Variants in CCDC82 observed in about 807,000 individuals in gnomAD.
The protein encoded by CCDC82 is coiled-coil domain-containing protein 82.
Under a neutral mutation model 60.6 loss-of-function variants are expected in CCDC82, and 47 were observed. That is an observed-to-expected ratio of 0.77 (90% CI 0.61 to 0.99). The LOEUF is 0.99. Ranked by LOEUF, CCDC82 falls within the 50% of genes least tolerant of loss-of-function variation. The pLI is 0.00. For synonymous variants in CCDC82, 212 were observed against 207.4 expected (o/e 1.02, Z -0.19); for missense variants, 588 against 633.0 (o/e 0.93, Z 0.76).
At chr11:96,363,736 T>G (rs573745277) in intron 8 of CCDC82, 1 of 152,310 alleles carries the variant, frequency 6.6e-6, no homozygotes, top group Non-Finnish European at 1.5e-5. Context: ...TTCCATGAAC[T>G]TACTAGTTTC....
Position 96,377,720 on chromosome 11 carries a change from A to G in CCDC82, c.992-4253T>C, listed in dbSNP as rs139016986. On this transcript the variant is annotated intron_variant, in intron 5 of 9. Coordinates refer to ENST00000646818, the MANE Select transcript of CCDC82 (RefSeq NM_024725.4). ...AATATATTAATGACTTCTAATATTAAGCCATTTTTATAGTTCTAAAAAGAA... is the reference window on the plus strand; with the variant it reads ...AATATATTAATGACTTCTAATATTAGGCCATTTTTATAGTTCTAAAAAGAA... Among the ~76,000 whole-genome samples, 55 of 152,164 alleles carry G rather than the reference A, an allele frequency of 3.6e-4. 2 individuals carry two copies. In the East Asian group the frequency reaches 0.01, roughly 29 times the overall value.
At chr11:96,371,339 T>G (rs1865256292) in intron 6 of CCDC82, among the ~76,000 whole-genome samples, 1 of 152,054 alleles carries the variant, frequency 6.6e-6, no homozygotes, top group Non-Finnish European at 1.5e-5. Context: ...TCCCAGCACT[T>G]TGGGAGGCCG....
chr11:96,374,587 AATGAATATAAT>A (rs1865467927), intron 5 of CCDC82, among the ~76,000 whole-genome samples: 1 of 152,228 alleles, frequency 6.6e-6, no homozygotes, highest in African/African-American at 2.4e-5. Context: ...CATGGCCTTT[AATGAATATAAT>A]ATTTTCTTAA....
rs1248382945 is a variant in CCDC82, at chr11:96,384,250, T to G, written c.498A>C (p.Gln166His). ...CTTCTTCTAAATCATCCTCTATTATTTGTCCAGTTTGTTTGTTGAGATCAT... is the reference window on the plus strand; with the variant it reads ...CTTCTTCTAAATCATCCTCTATTATGTGTCCAGTTTGTTTGTTGAGATCAT... ...EDNDLNKQTGQIIEDDLEEED... is the reference protein window; with the variant it reads ...EDNDLNKQTGHIIEDDLEEED... The change falls in exon 4 of 10, where the codon CAA becomes CAC. Residue 166 changes from glutamine to histidine, a missense_variant. Transcript: ENST00000646818. 1 of 1,613,888 alleles carries G rather than the reference T, an allele frequency of 6.2e-7. No individual in the cohort carries two copies. Among genetic ancestry groups the G allele is most frequent in the East Asian group, 2.2e-5 (1 of 44,872 alleles).
In CCDC82 at chr11:96,353,325, T is replaced by G; in HGVS notation, c.*321A>C. 4.8e-6 allele frequency: 1 copy of G among 206,252 alleles called. No homozygotes were observed. Among genetic ancestry groups the G allele is most frequent in the Admixed American group, 5.8e-5 (1 of 17,142 alleles). The allele number at this position is 206,252 out of a possible 1,614,324, so 12.8% of individuals were successfully genotyped here. A position where few individuals can be genotyped will look rare whatever the true frequency, so the allele number is the denominator to read the frequency against. On this transcript the variant is annotated 3_prime_UTR_variant, in exon 10 of 10. Transcript: ENST00000646818. ...CGTTAGTCTAAATACATTTTTAAGA[T>G]ACAATATATTTTGACTAAACTGACA...
chr11:96,372,269 T>A (rs1865313185), intron 6 of CCDC82, among the ~76,000 whole-genome samples: 1 of 152,208 alleles, frequency 6.6e-6, no homozygotes, highest in Non-Finnish European at 1.5e-5. Flanking sequence ...CTTTTTTGAC[T>A]AATCTAACTA....
chr11:96,358,479 C>T (rs1864459669), intron 9 of CCDC82: 3 of 1,230,880 alleles, frequency 2.4e-6, no homozygotes, highest in Non-Finnish European at 3.0e-6. Flanking sequence ...CTCTGCATTC[C>T]CCTCGATCTT....
intron 9 of CCDC82, chr11:96,357,380 C>T (rs1209355578): frequency 7.1e-6 from 7 of 985,002 alleles, no homozygotes; most frequent in African/African-American, 1.7e-5. Flanking sequence ...ACCTTCAATG[C>T]CTAATGCTAA....
chr11:96,366,583 A>G (rs963813085), intron 7 of CCDC82, among the ~76,000 whole-genome samples: 8 of 152,156 alleles, frequency 5.3e-5, no homozygotes, highest in Non-Finnish European at 7.4e-5. Flanking sequence ...CTCATCTCTA[A>G]AAGAGGGGAA....
At chr11:96,382,499 T>C (rs1865930289) in intron 5 of CCDC82, 1 of 151,768 alleles carries the variant, frequency 6.6e-6, no homozygotes, top group Non-Finnish European at 1.5e-5. Context: ...GGAGGATCTG[T>C]ATCATCCAGT....
rs376528293 is a variant in CCDC82, at chr11:96,371,153, A to T, written c.1085-16T>A. The stretch of plus-strand genomic sequence containing the variant: ...CTTGTGCCATCTGTTCAGGGGATAA[A>T]CAACAAAAAAAATCATTTTGTTAAT... On this transcript the variant is annotated splice_polypyrimidine_tract_variant and intron_variant, in intron 6 of 9. Coordinates refer to ENST00000646818, the MANE Select transcript of CCDC82 (RefSeq NM_024725.4). 2.0e-5 allele frequency: 29 copies of T among 1,484,658 alleles called. No individual in the cohort carries two copies. Among genetic ancestry groups the T allele is most frequent in the Non-Finnish European group, 2.6e-5 (29 of 1,114,600 alleles). 92.0% of individuals were successfully genotyped at this position (1,484,658 alleles called of 1,614,324 possible).
chr11:96,387,714 G>A (rs965631978), intron 1 of CCDC82, 101 bp from the exon 2 acceptor site: 2 of 152,076 alleles, frequency 1.3e-5, no homozygotes, highest in African/African-American at 2.4e-5. Flanking sequence ...GAAAAATAAC[G>A]ATTAAAATGG....
chr11:96,356,547 T>C (rs11021551), intron 9 of CCDC82: 194,663 of 984,376 alleles, frequency 0.2, 19,340 homozygotes, highest in East Asian at 0.31. Context: ...CATCATCATA[T>C]ACACTTTCTT....
At chr11:96,382,628 T>C (rs1284793503) in intron 5 of CCDC82, 5 of 151,902 alleles carry the variant, frequency 3.3e-5, no homozygotes, top group Non-Finnish European at 5.9e-5. Flanking sequence ...AGTTCATTTA[T>C]ATGGTTTTGA....
intron 6 of CCDC82, among the ~76,000 whole-genome samples, chr11:96,373,151 G>T (rs899451369): frequency 3.3e-5 from 5 of 152,126 alleles, no homozygotes; most frequent in Non-Finnish European, 7.4e-5. Flanking sequence ...TAAGGGAAAG[G>T]ACCTGTCACA....
chr11:96,365,232 AGG>A (rs1864886124), intron 7 of CCDC82, 82 bp from the exon 8 acceptor site: 3 of 910,882 alleles, frequency 3.3e-6, no homozygotes, highest in Non-Finnish European at 4.8e-6. Flanking sequence ...AAAACATCTT[AGG>A]GATTACAATA....
intron 8 of CCDC82, among the ~76,000 whole-genome samples, chr11:96,359,642 T>TAAAAAAAA (rs139619843): frequency 9.8e-5 from 8 of 81,392 alleles, no homozygotes; most frequent in South Asian, 4.5e-4. Flanking sequence ...ATGGGCAAAG[T>TAAAAAAAA]AAAAAAAAAA....
At chr11:96,371,193 C>T in intron 6 of CCDC82, 56 bp from the exon 7 acceptor site, 2 of 1,173,936 alleles carry the variant, frequency 1.7e-6, no homozygotes, top group Non-Finnish European at 2.3e-6. Context: ...AATATTTAAA[C>T]TATTTAATAC....
At chr11:96,376,718 G>A (rs541553724) in intron 5 of CCDC82, among the ~76,000 whole-genome samples, 2 of 152,154 alleles carry the variant, frequency 1.3e-5, no homozygotes, top group South Asian at 2.1e-4. Flanking sequence ...GTGAGCCACC[G>A]CGCCTGGCCT....
Sources: gnomAD v4.1 joint callset for allele counts (sites outside exome capture counted in the v4.1 genomes callset) on GRCh38, gnomAD v4.1.1 for gene constraint, MANE v1.5 for transcripts, NCBI Gene and HGNC (gene_info 2026-07-23, HGNC 2026-07-21) for gene names.